Variants in ERC1 observed in about 807,000 individuals in gnomAD.
ERC1 encodes the protein ELKS/RAB6-interacting/CAST family member 1, also known as RAB6 interacting protein 2.
ERC1 carries 56 observed loss-of-function variants against 132.0 expected under a neutral mutation model. The observed-to-expected ratio is 0.42, with a 90% CI of 0.34 to 0.53. ERC1 has a LOEUF of 0.53. ERC1 is among the 20% of genes least tolerant of loss of function. The probability of loss-of-function intolerance (pLI) is 0.03; values close to 1 mark genes in which losing one functional copy is unlikely to be tolerated. For synonymous variants in ERC1, 478 were observed against 476.1 expected (o/e 1.00, Z -0.05); for missense variants, 1,202 against 1,349.9 (o/e 0.89, Z 1.72).
In ERC1 at chr12:1,305,963, T is replaced by A. The variant is rs1247254887; in HGVS notation, c.2780+15951T>A. Among the ~76,000 whole-genome samples, 3 of 152,364 alleles carry A rather than the reference T, an allele frequency of 2.0e-5. No individual in the cohort carries two copies. In the East Asian group the frequency reaches 5.8e-4, roughly 29 times the overall value. On this transcript the variant is annotated intron_variant, in intron 15 of 18. Transcript: ENST00000360905. The stretch of plus-strand genomic sequence containing the variant: ...AGAAGGCAATGATGAAAGATGTACT[T>A]CCTGCTCTTCATCTCTATTTCTGAA...
chr12:1,302,928 A>G (rs992198138), intron 15 of ERC1, among the ~76,000 whole-genome samples: 2 of 152,196 alleles, frequency 1.3e-5, no homozygotes, highest in African/African-American at 4.8e-5. Context: ...GCATCACTGC[A>G]CTCCAGCCTG....
At chr12:1,058,704 A>C (rs1760387588) in intron 2 of ERC1, among the ~76,000 whole-genome samples, 1 of 150,102 alleles carries the variant, frequency 6.7e-6, no homozygotes, top group South Asian at 2.1e-4. Flanking sequence ...TATAAACTTG[A>C]GAATTGTTTT....
At chr12:1,399,560 C>G (rs2090844376) in intron 16 of ERC1, among the ~76,000 whole-genome samples, 1 of 152,154 alleles carries the variant, frequency 6.6e-6, no homozygotes, top group South Asian at 2.1e-4. Flanking sequence ...GTCCCTTTCC[C>G]CCAGGCCTGG....
At chr12:1,137,051 C>G (rs1463137220) in intron 7 of ERC1, among the ~76,000 whole-genome samples, 1 of 150,698 alleles carries the variant, frequency 6.6e-6, no homozygotes, top group Non-Finnish European at 1.5e-5. Flanking sequence ...TCCAGTCCTT[C>G]TACTCACCAG....
chr12:1,369,950 C>T (rs534723257), intron 15 of ERC1, among the ~76,000 whole-genome samples: 1 of 152,228 alleles, frequency 6.6e-6, no homozygotes, highest in South Asian at 2.1e-4. Flanking sequence ...AAAAAATATC[C>T]ATTAGAATAT....
intron 7 of ERC1, among the ~76,000 whole-genome samples, chr12:1,129,504 C>T (rs1004077218): frequency 6.6e-6 from 1 of 152,108 alleles, no homozygotes; most frequent in African/African-American, 2.4e-5. Flanking sequence ...CCAGCTTGGG[C>T]AATAGAGCGA....
rs538713183 is a variant in ERC1 at position 1,045,693 on chromosome 12, T to C, written c.669+17121T>C. On this transcript the variant is annotated intron_variant, in intron 2 of 18. Coordinates refer to ENST00000360905, the MANE Select transcript of ERC1 (RefSeq NM_178040.4). ...GGCTACAAAGCCAAATGTCATTGTG[T>C]TTTTGACTAAGGACAAATGAATGAA... Among the ~76,000 whole-genome samples the C allele has an allele frequency of 7.2e-5, 11 of 152,162 alleles. No homozygotes were observed. The South Asian group carries it at 2.1e-3, about 29-fold the overall frequency.
intron 14 of ERC1, among the ~76,000 whole-genome samples, chr12:1,274,242 TC>T (rs1332208968): frequency 6.6e-6 from 1 of 152,196 alleles, no homozygotes; most frequent in African/African-American, 2.4e-5. Context: ...TCATTGTTTA[TC>T]TAGATCCTCC....
At chr12:1,238,030 ATTATGT>A (rs906961839) in intron 13 of ERC1, among the ~76,000 whole-genome samples, 1 of 152,144 alleles carries the variant, frequency 6.6e-6, no homozygotes, top group African/African-American at 2.4e-5. Flanking sequence ...ACTTTTACTG[ATTATGT>A]TTATAGAAAA....
At chr12:1,095,955 G>A (rs1216640867) in intron 3 of ERC1, among the ~76,000 whole-genome samples, 1 of 148,902 alleles carries the variant, frequency 6.7e-6, no homozygotes, top group East Asian at 2.0e-4. Context: ...TTTTGAGATA[G>A]GGTCTGACTT....
At position 1,418,902 on chromosome 12, in the gene ERC1, C is replaced by T. The variant is rs115364932; in HGVS notation, c.3024+10655C>T. 4.3e-3 allele frequency among the ~76,000 whole-genome samples: 647 copies of T among 151,766 alleles called. 9 individuals are homozygous for T. The highest frequency in any genetic ancestry group is 0.015 in the African/African-American group (612 of 41,372). On this transcript the variant is annotated intron_variant, in intron 17 of 18. Transcript: ENST00000360905. ...TAAATTTTGTATTTTTTGGTAGAAGCAGGGTCTCACTGTGTTGCCCAGGCT... is the reference window on the plus strand; with the variant it reads ...TAAATTTTGTATTTTTTGGTAGAAGTAGGGTCTCACTGTGTTGCCCAGGCT...
chr12:1,051,374 A>G (rs1390146697), intron 2 of ERC1, among the ~76,000 whole-genome samples: 3 of 152,092 alleles, frequency 2.0e-5, no homozygotes, highest in African/African-American at 7.2e-5. Context: ...ACTAAAATAC[A>G]CTTATCTCGG....
chr12:1,052,880 G>C (rs536270714), intron 2 of ERC1, among the ~76,000 whole-genome samples: 1 of 152,048 alleles, frequency 6.6e-6, no homozygotes, highest in Non-Finnish European at 1.5e-5. Flanking sequence ...TGAGGCAGGA[G>C]AATTTCTTGA....
intron 18 of ERC1, among the ~76,000 whole-genome samples, chr12:1,446,313 T>G (rs1290841807): frequency 1.3e-5 from 2 of 152,136 alleles, no homozygotes; most frequent in Non-Finnish European, 2.9e-5. Flanking sequence ...AAAGAAAAAG[T>G]GAATAAACAT....
intron 11 of ERC1, among the ~76,000 whole-genome samples, chr12:1,188,168 A>G (rs191737562): frequency 6.6e-6 from 1 of 152,320 alleles, no homozygotes; most frequent in Non-Finnish European, 1.5e-5. Context: ...CCCTACATCA[A>G]GCTGCCTCCT....
chr12:1,429,681 A>G (rs978468224), intron 17 of ERC1, among the ~76,000 whole-genome samples: 3 of 152,218 alleles, frequency 2.0e-5, no homozygotes, highest in African/African-American at 4.8e-5. Context: ...AAGATGCAAT[A>G]GAAAAACCCA....
intron 13 of ERC1, among the ~76,000 whole-genome samples, chr12:1,240,850 G>A (rs772859368): frequency 6.6e-6 from 1 of 151,490 alleles, no homozygotes; most frequent in African/African-American, 2.4e-5. Context: ...ACACTCTTCC[G>A]TATTTTGCTT....
chr12:1,461,783 A>T (rs941561304), intron 18 of ERC1, among the ~76,000 whole-genome samples: 5 of 152,240 alleles, frequency 3.3e-5, no homozygotes, highest in African/African-American at 9.6e-5. Flanking sequence ...GGCACCTAAC[A>T]TATATTGCTA....
chr12:1,349,551 C>G (rs2084802045), intron 15 of ERC1, among the ~76,000 whole-genome samples: 1 of 151,588 alleles, frequency 6.6e-6, no homozygotes, highest in Non-Finnish European at 1.5e-5. Flanking sequence ...GTAGTCCCAG[C>G]TACTCGGGAG....
Sources: gnomAD v4.1 joint callset for allele counts (sites outside exome capture counted in the v4.1 genomes callset) on GRCh38, gnomAD v4.1.1 for gene constraint, MANE v1.5 for transcripts, NCBI Gene and HGNC (gene_info 2026-07-23, HGNC 2026-07-21) for gene names.